Variants in DDR2 observed in about 807,000 individuals in gnomAD.
DDR2 encodes the protein discoidin domain receptor tyrosine kinase 2.
A neutral mutation model predicts 94.9 loss-of-function variants in DDR2; 27 were observed. The observed-to-expected ratio is 0.28, with a 90% CI of 0.21 to 0.39. The LOEUF (loss-of-function observed/expected upper bound fraction) is 0.39. DDR2 is among the 10% of genes least tolerant of loss of function. The probability of loss-of-function intolerance (pLI) is 1.00; values close to 1 mark genes in which losing one functional copy is unlikely to be tolerated. For missense variants in DDR2, 783 were observed against 1,076.0 expected, an observed-to-expected ratio of 0.73 and a Z score of 3.81; for synonymous variants, 382 against 377.2, an observed-to-expected ratio of 1.01 and a Z score of -0.15.
At position 162,775,638 on chromosome 1, in the gene DDR2, T is replaced by C. The variant is rs926223331; in HGVS notation, c.1857-14T>C. 1 of 1,613,698 alleles carries C rather than the reference T, an allele frequency of 6.2e-7. No individual in the cohort carries two copies. The highest frequency in any genetic ancestry group is 2.2e-5 in the East Asian group (1 of 44,892). ...GGCAACTTCTGAGTTTATCTATGTC[T>C]GTATCCTCCCAAGGAATGATTTTCT... On this transcript the variant is annotated splice_polypyrimidine_tract_variant and intron_variant, in intron 14 of 17. Transcript: ENST00000367921.
intron 2 of DDR2, among the ~76,000 whole-genome samples, chr1:162,703,511 C>A (rs531035907): frequency 6.6e-6 from 1 of 152,224 alleles, no homozygotes; most frequent in African/African-American, 2.4e-5. Flanking sequence ...AAATAGGACA[C>A]AAACCTCCAA....
intron 1 of DDR2, among the ~76,000 whole-genome samples, chr1:162,647,606 T>G (rs747806359): frequency 6.6e-6 from 1 of 152,192 alleles, no homozygotes; most frequent in Non-Finnish European, 1.5e-5. Context: ...AGTGGATAAT[T>G]CGTGAGTTTT....
At chr1:162,671,251 C>T (rs1179366723) in intron 2 of DDR2, among the ~76,000 whole-genome samples, 1 of 152,152 alleles carries the variant, frequency 6.6e-6, no homozygotes, top group East Asian at 1.9e-4. Flanking sequence ...AACTTCTCAT[C>T]AGCTCAGTTC....
At chr1:162,778,542 G>A (rs780728088) in intron 16 of DDR2, 38 bp from the exon 17 acceptor site, 1 of 1,613,330 alleles carries the variant, frequency 6.2e-7, no homozygotes, top group Non-Finnish European at 8.5e-7. Flanking sequence ...TTGTGCACAG[G>A]TTATTCTGAT....
chr1:162,723,298 T>C (rs1384926885), intron 3 of DDR2, among the ~76,000 whole-genome samples: 2 of 152,162 alleles, frequency 1.3e-5, no homozygotes, highest in Non-Finnish European at 2.9e-5. Flanking sequence ...AGGAGATCCA[T>C]TCCCCTGTGG....
intron 13 of DDR2, 70 bp from the exon 14 acceptor site, chr1:162,773,399 A>T (rs1269400177): frequency 6.2e-7 from 1 of 1,603,590 alleles, no homozygotes; most frequent in African/African-American, 1.3e-5. Flanking sequence ...TCTCCAGGAA[A>T]TGCCCAGCAA....
At chr1:162,660,074 GT>G (rs1003197447) in intron 2 of DDR2, among the ~76,000 whole-genome samples, 4 of 152,118 alleles carry the variant, frequency 2.6e-5, no homozygotes, top group Non-Finnish European at 5.9e-5. Context: ...CAAACTTCCT[GT>G]TTTTTGGGCA....
chr1:162,771,737 C>T (rs1188958016), intron 12 of DDR2, among the ~76,000 whole-genome samples: 1 of 152,138 alleles, frequency 6.6e-6, no homozygotes, highest in Non-Finnish European at 1.5e-5. Flanking sequence ...CCCTGATATA[C>T]CATGAGCCTT....
At chr1:162,735,478 G>A (rs1390971818) in intron 3 of DDR2, among the ~76,000 whole-genome samples, 1 of 152,110 alleles carries the variant, frequency 6.6e-6, no homozygotes, top group African/African-American at 2.4e-5. Flanking sequence ...TGATTCATTA[G>A]GTCAAATGGA....
At chr1:162,699,940 C>T (rs570545254) in intron 2 of DDR2, among the ~76,000 whole-genome samples, 45 of 152,332 alleles carry the variant, frequency 3.0e-4, no homozygotes, top group African/African-American at 1.1e-3. Context: ...GTCACCTCTT[C>T]CTAAGTTGAT....
chr1:162,771,759 A>C (rs1201268786), intron 12 of DDR2, among the ~76,000 whole-genome samples: 1 of 152,224 alleles, frequency 6.6e-6, no homozygotes, highest in South Asian at 2.1e-4. Context: ...CTATAGCTTC[A>C]CCACACAATT....
intron 2 of DDR2, among the ~76,000 whole-genome samples, chr1:162,662,598 A>C (rs1232689831): frequency 6.6e-6 from 1 of 152,182 alleles, no homozygotes; most frequent in East Asian, 1.9e-4. Flanking sequence ...ATTAGAAATT[A>C]GACATATGTT....
intron 3 of DDR2, among the ~76,000 whole-genome samples, chr1:162,732,158 C>T (rs1662084459): frequency 1.3e-5 from 2 of 152,186 alleles, no homozygotes; most frequent in South Asian, 4.1e-4. Flanking sequence ...TCCTAAAGGT[C>T]TATTCCTAAG....
chr1:162,739,563 G>T (rs1571269204), intron 3 of DDR2, among the ~76,000 whole-genome samples: 1 of 152,002 alleles, frequency 6.6e-6, no homozygotes, highest in African/African-American at 2.4e-5. Context: ...CACCTGGGCT[G>T]CCCAAAGTGC....
At position 162,656,258 on chromosome 1, in the gene DDR2, A is replaced by G. The variant is rs961014813; in HGVS notation, c.-28+884A>G. Among the ~76,000 whole-genome samples the G allele has an allele frequency of 2.0e-5, 3 of 152,206 alleles. No homozygotes were observed. The South Asian group carries it at 6.2e-4, about 32-fold the overall frequency. On this transcript the variant is annotated intron_variant, in intron 2 of 17. Transcript: ENST00000367921. ...GAGGATGCTCAGCGAGAGCCCTCAGATTCAACTTAGGCTTTACTGTATTCT... is the reference window on the plus strand; with the variant it reads ...GAGGATGCTCAGCGAGAGCCCTCAGGTTCAACTTAGGCTTTACTGTATTCT...
At chr1:162,718,942 A>G in intron 2 of DDR2, 95 bp from the exon 3 acceptor site, 1 of 1,265,838 alleles carries the variant, frequency 7.9e-7, no homozygotes, top group South Asian at 1.2e-5. Flanking sequence ...CACAAAATTA[A>G]TTGTGAGAAT....
At chr1:162,653,331 C>A (rs1487912417) in intron 1 of DDR2, among the ~76,000 whole-genome samples, 1 of 152,056 alleles carries the variant, frequency 6.6e-6, no homozygotes, top group Non-Finnish European at 1.5e-5. Context: ...AATCCCAGCA[C>A]TTTGGGAGGC....
At chr1:162,745,791 A>G (rs1662829588) in intron 3 of DDR2, among the ~76,000 whole-genome samples, 1 of 152,202 alleles carries the variant, frequency 6.6e-6, no homozygotes, top group African/African-American at 2.4e-5. Context: ...TGCTTTGGAT[A>G]TTTTGAAACT....
Position 162,767,213 on chromosome 1 carries a change from C to T in DDR2, c.1163-16C>T, listed in dbSNP as rs940653851. On this transcript the variant is annotated splice_polypyrimidine_tract_variant and intron_variant, in intron 10 of 17. Coordinates refer to ENST00000367921, the MANE Select transcript of DDR2 (RefSeq NM_006182.4). ...GTGAGATGATTGTATTCTCTGCCTT[C>T]TCTCCCTGGTCACAGATCCAATGCT... 4 of 1,613,938 alleles carry T rather than the reference C, an allele frequency of 2.5e-6. No homozygotes were observed. The African/African-American group carries it at 4.0e-5, about 16-fold the overall frequency.
Sources: allele counts gnomAD v4.1 joint callset (sites outside exome capture counted in the v4.1 genomes callset), GRCh38; gene constraint gnomAD v4.1.1; transcripts MANE v1.5; gene names NCBI Gene and HGNC (gene_info 2026-07-23, HGNC 2026-07-21).